The following FOXP1 variants were observed in gnomAD, a reference collection of about 807,000 sequenced individuals.
FOXP1 encodes forkhead box protein P1.
In FOXP1, 15 loss-of-function variants were observed where a neutral mutation model predicts 98.2. The observed-to-expected ratio is 0.15, with a 90% CI of 0.10 to 0.24. The LOEUF is 0.24. Ranked by LOEUF, FOXP1 falls within the 10% of genes least tolerant of loss-of-function variation. The probability of loss-of-function intolerance (pLI) is 1.00; values close to 1 mark genes in which losing one functional copy is unlikely to be tolerated. For missense variants in FOXP1, 633 were observed against 848.5 expected, an observed-to-expected ratio of 0.75 and a Z score of 3.15; for synonymous variants, 371 against 314.5, an observed-to-expected ratio of 1.18 and a Z score of -1.90.
At position 71,044,868 on chromosome 3, in the gene FOXP1, C is replaced by T. The variant is rs191084272; in HGVS notation, c.664+2074G>A. Reference sequence around the variant, plus strand: ...CAGAGTTGATCAACCTTTTTTTGTCCTTGTACATCCATACCCAGGTGACCA... The same window carrying T: ...CAGAGTTGATCAACCTTTTTTTGTCTTTGTACATCCATACCCAGGTGACCA... On this transcript the variant is annotated intron_variant, in intron 10 of 20. Transcript: ENST00000649528. Among the ~76,000 whole-genome samples, 689 of 152,128 alleles carry T rather than the reference C, an allele frequency of 4.5e-3. 4 individuals carry two copies. The highest frequency in any genetic ancestry group is 0.015 in the African/African-American group (621 of 41,542).
intron 6 of FOXP1, among the ~76,000 whole-genome samples, chr3:71,157,450 G>A (rs948558821): frequency 1.3e-5 from 2 of 152,144 alleles, no homozygotes; most frequent in Non-Finnish European, 2.9e-5. Flanking sequence ...GAATGTTACC[G>A]ACATACCTGC....
At chr3:71,006,308 T>C (rs903819885) in intron 12 of FOXP1, among the ~76,000 whole-genome samples, 2 of 152,080 alleles carry the variant, frequency 1.3e-5, no homozygotes, top group East Asian at 1.9e-4. Flanking sequence ...GAGTCAGAGC[T>C]TTTTATGAGA....
intron 14 of FOXP1, among the ~76,000 whole-genome samples, chr3:70,983,490 CA>C (rs2039232101): frequency 6.6e-6 from 1 of 152,110 alleles, no homozygotes; most frequent in Admixed American, 6.5e-5. Flanking sequence ...TCTTTCAAAA[CA>C]GTCCTAATGG....
At chr3:71,100,391 A>G (rs2056848694) in intron 7 of FOXP1, among the ~76,000 whole-genome samples, 1 of 152,230 alleles carries the variant, frequency 6.6e-6, no homozygotes, top group Admixed American at 6.5e-5. Context: ...TCTTATTAAA[A>G]GCAATTTCAT....
intron 13 of FOXP1, among the ~76,000 whole-genome samples, chr3:70,997,423 C>T (rs2041535870): frequency 6.6e-6 from 1 of 152,224 alleles, no homozygotes; most frequent in South Asian, 2.1e-4. Flanking sequence ...TATAACTGTA[C>T]TGTGTCCCAA....
intron 5 of FOXP1, among the ~76,000 whole-genome samples, chr3:71,270,260 G>C (rs2070208634): frequency 6.6e-6 from 1 of 152,188 alleles, no homozygotes; most frequent in South Asian, 2.1e-4. Context: ...AACACAGCAA[G>C]CAATAAATTC....
At chr3:71,067,405 A>G (rs1218795143) in intron 7 of FOXP1, among the ~76,000 whole-genome samples, 1 of 152,194 alleles carries the variant, frequency 6.6e-6, no homozygotes, top group East Asian at 1.9e-4. Flanking sequence ...AACTCAGAAG[A>G]CTTCGTTAAA....
chr3:71,248,128 C>T (rs2067894945), intron 5 of FOXP1, among the ~76,000 whole-genome samples: 1 of 152,186 alleles, frequency 6.6e-6, no homozygotes, highest in East Asian at 1.9e-4. Context: ...ATTTGCTTAG[C>T]CAGCTGGAGT....
At chr3:71,481,000 A>G (rs1343294324) in intron 3 of FOXP1, among the ~76,000 whole-genome samples, 1 of 152,164 alleles carries the variant, frequency 6.6e-6, no homozygotes, top group East Asian at 1.9e-4. Context: ...TCTTTTTTTG[A>G]GCACAGAATG....
intron 3 of FOXP1, among the ~76,000 whole-genome samples, chr3:71,371,912 G>A (rs994711509): frequency 1.3e-5 from 2 of 152,030 alleles, no homozygotes; most frequent in South Asian, 2.1e-4. Context: ...CACCACACTC[G>A]GCTTATTCCT....
At chr3:71,329,170 T>C (rs1384154501) in intron 4 of FOXP1, among the ~76,000 whole-genome samples, 1 of 151,884 alleles carries the variant, frequency 6.6e-6, no homozygotes. Context: ...GTGGAATGAA[T>C]GATCCCGTCA....
At chr3:71,133,573 C>T (rs987855638) in intron 6 of FOXP1, among the ~76,000 whole-genome samples, 3 of 152,190 alleles carry the variant, frequency 2.0e-5, no homozygotes, top group South Asian at 2.1e-4. Context: ...AAGAACAACA[C>T]GGAATGTTTA....
intron 11 of FOXP1, among the ~76,000 whole-genome samples, chr3:71,016,339 C>T (rs1358159820): frequency 1.3e-5 from 2 of 152,222 alleles, no homozygotes; most frequent in South Asian, 2.1e-4. Context: ...AATGATCTGG[C>T]CACACGGATC....
chr3:71,070,003 G>A (rs1042256242), intron 7 of FOXP1, among the ~76,000 whole-genome samples: 3 of 152,094 alleles, frequency 2.0e-5, no homozygotes, highest in African/African-American at 7.2e-5. Context: ...TCTGACCCTA[G>A]GTTGACACAC....
chr3:70,976,702 G>C (rs982663972), intron 17 of FOXP1, among the ~76,000 whole-genome samples: 2 of 152,208 alleles, frequency 1.3e-5, no homozygotes, highest in Non-Finnish European at 2.9e-5. Context: ...ACCAGAGAGA[G>C]ATCACTTTAC....
chr3:71,543,962 CTGTG>C (rs975352588), intron 2 of FOXP1, among the ~76,000 whole-genome samples: 3 of 150,634 alleles, frequency 2.0e-5, no homozygotes, highest in Non-Finnish European at 3.0e-5. Flanking sequence ...TATGCTGTGC[CTGTG>C]TGTGTTTACA....
In FOXP1 at chr3:71,308,737, C is replaced by T. The variant is rs373536738; in HGVS notation, c.-72-8857G>A. Among the ~76,000 whole-genome samples the T allele has an allele frequency of 2.9e-3, 417 of 144,294 alleles. 4 individuals are homozygous for T. The highest frequency in any genetic ancestry group is 0.018 in the South Asian group (81 of 4,470). 94.7% of individuals were successfully genotyped at this position (144,294 alleles called of 152,430 possible). ...AAAAGGACATTAAATTATTATGAAG[C>T]ATTCTACCACAATGTGTGTGTGTGT... On this transcript the variant is annotated intron_variant, in intron 4 of 20. Coordinates refer to ENST00000649528, the MANE Select transcript of FOXP1 (RefSeq NM_001349338.3).
intron 5 of FOXP1, among the ~76,000 whole-genome samples, chr3:71,281,716 G>C (rs1288824): frequency 0.57 from 86,215 of 152,054 alleles, 24,783 homozygotes; most frequent in African/African-American, 0.64. Flanking sequence ...CATGGTTTAA[G>C]TTCTGAAAAG....
intron 3 of FOXP1, among the ~76,000 whole-genome samples, chr3:71,450,784 T>TC (rs2086876648): frequency 7.5e-6 from 1 of 133,338 alleles, no homozygotes. Flanking sequence ...TATGGAATAT[T>TC]CTTTTTTTTT....
Sources: gnomAD v4.1 joint callset for allele counts (sites outside exome capture counted in the v4.1 genomes callset) on GRCh38, gnomAD v4.1.1 for gene constraint, MANE v1.5 for transcripts, NCBI Gene and HGNC (gene_info 2026-07-23, HGNC 2026-07-21) for gene names.